The following PRX variants were observed in gnomAD, a reference collection of about 807,000 sequenced individuals.
PRX encodes the protein periaxin.
In PRX, 24 loss-of-function variants were observed where a neutral mutation model predicts 29.6. The ratio of observed to expected loss-of-function variants is 0.81; its 90% CI spans 0.59 to 1.14. The LOEUF (loss-of-function observed/expected upper bound fraction) is 1.14. Ranked by LOEUF, PRX falls within the 50% of genes most tolerant of loss-of-function variation. The pLI is 0.00. For missense variants in PRX, 1,838 were observed against 1,926.4 expected, an observed-to-expected ratio of 0.95 and a Z score of 0.86; for synonymous variants, 772 against 831.7, an observed-to-expected ratio of 0.93 and a Z score of 1.24.
upstream of PRX, among the ~76,000 whole-genome samples, chr19:40,414,449 A>G (rs2079572288): frequency 6.6e-6 from 1 of 152,166 alleles, no homozygotes; most frequent in Non-Finnish European, 1.5e-5. Context: ...CTATGTGGCC[A>G]GGAGGTGGTG....
chr19:40,402,831 G>C (rs371864274), intron 5 of PRX, among the ~76,000 whole-genome samples: 2 of 150,366 alleles, frequency 1.3e-5, no homozygotes, highest in Admixed American at 1.3e-4. Context: ...TGCAGGGACT[G>C]TTGTTCAGTT....
chr19:40,409,536 G>C (rs189249708), intron 1 of PRX, among the ~76,000 whole-genome samples: 1 of 150,960 alleles, frequency 6.6e-6, no homozygotes, highest in Non-Finnish European at 1.5e-5. Flanking sequence ...GAAGTGGTGC[G>C]AATTCGGCTT....
chr19:40,406,243 G>A (rs1405892744), intron 4 of PRX, among the ~76,000 whole-genome samples: 4 of 137,786 alleles, frequency 2.9e-5, no homozygotes, highest in Admixed American at 2.2e-4. Context: ...CCAAGAATCC[G>A]TCTCAAAAAA....
At position 40,395,651 on chromosome 19, in the gene PRX, C is replaced by T. The variant is rs767898499; in HGVS notation, c.2701G>A (p.Val901Ile). ...GGCAGCTGTGGGGTGACAATTTCAACAGAGGGCACTCGGAAGCCCACTTCC... is the reference window on the plus strand; with the variant it reads ...GGCAGCTGTGGGGTGACAATTTCAATAGAGGGCACTCGGAAGCCCACTTCC... Reference protein sequence around the residue: ...VREVGFRVPSVEIVTPQLPAV... With the variant: ...VREVGFRVPSIEIVTPQLPAV... The change falls in exon 7 of 7, where the codon GTT becomes ATT. Residue 901 changes from valine to isoleucine, a missense_variant. Physicochemically the swap from Val to Ile is conservative, Grantham distance 29. This residue lies in a region of PRX where 1,143 missense variants were observed against 1,193.0 expected (regional missense o/e 0.96). Coordinates refer to ENST00000324001, the MANE Select transcript of PRX (RefSeq NM_181882.3). The T allele has an allele frequency of 2.3e-5, 37 of 1,614,220 alleles. No individual in the cohort carries two copies. The South Asian group carries it at 3.6e-4, about 16-fold the overall frequency.
Position 40,398,765 on chromosome 19 carries a change from T to C in PRX, c.236A>G (p.Asp79Gly). The C allele has an allele frequency of 5.0e-6, 8 of 1,614,004 alleles. No homozygotes were observed. The highest frequency in any genetic ancestry group is 6.8e-6 in the Non-Finnish European group (8 of 1,179,960). Residue 79 changes from aspartate to glycine, a missense_variant, in exon 6 of 7, where the codon GAC becomes GGC. This residue lies in a region of PRX where 666 missense variants were observed against 665.0 expected (regional missense o/e 1.00). Transcript: ENST00000324001. The surrounding 1 kb of genome is among the most constrained non-coding windows in gnomAD (Gnocchi z 6.3). ...GGCGCATTGCAGCAGGCGTAGTGCGTCCTCGTACTTGAAGTTCTCGAAGAA... is the reference window on the plus strand; with the variant it reads ...GGCGCATTGCAGCAGGCGTAGTGCGCCCTCGTACTTGAAGTTCTCGAAGAA... Reference protein sequence around the residue: ...RVFFENFKYEDALRLLQCAEP... With the variant: ...RVFFENFKYEGALRLLQCAEP...
At chr19:40,414,607 G>T (rs1192457653), upstream of PRX, among the ~76,000 whole-genome samples, 2 of 152,044 alleles carry the variant, frequency 1.3e-5, no homozygotes, top group Non-Finnish European at 2.9e-5. Context: ...GTCCAGAGTT[G>T]AACCCAGACC....
chr19:40,409,477 A>ATTATTATTATT (rs1033681042), intron 1 of PRX, among the ~76,000 whole-genome samples: 4 of 148,424 alleles, frequency 2.7e-5, no homozygotes, highest in African/African-American at 9.9e-5. Flanking sequence ...TATTATTATT[A>ATTATTATTATT]TTATTATTAT....
Position 40,403,855 on chromosome 19 carries a change from C to G in PRX, c.35G>C (p.Arg12Thr), listed in dbSNP as rs756238091. The G allele has an allele frequency of 1.9e-6, 3 of 1,608,536 alleles. No homozygotes were observed. The highest frequency in any genetic ancestry group is 2.2e-5 in the East Asian group (1 of 44,756). Residue 12 changes from arginine to threonine, a missense_variant, in exon 5 of 7, where the codon AGG becomes ACG. Coordinates refer to ENST00000324001, the MANE Select transcript of PRX (RefSeq NM_181882.3). The part of the protein sequence containing the change: ...EARSRSAEEL[R>T]RAELVEIIVE... ...GATAATTTCCACCAACTCCGCCCGCCTCAGCTCCTGCAGAGGGCGGCGAGG... is the reference window on the plus strand; with the variant it reads ...GATAATTTCCACCAACTCCGCCCGCGTCAGCTCCTGCAGAGGGCGGCGAGG...
chr19:40,407,735 A>G lies in PRX; in HGVS notation c.27+171T>C, dbSNP rs1219631595. ...AGATGCTGCACTAAGGACATTACATATGTTAATTTTCTTCTCCTCACAGTG... is the reference window on the plus strand; with the variant it reads ...AGATGCTGCACTAAGGACATTACATGTGTTAATTTTCTTCTCCTCACAGTG... On this transcript the variant is annotated intron_variant, in intron 4 of 6. Coordinates refer to ENST00000324001, the MANE Select transcript of PRX (RefSeq NM_181882.3). The G allele has an allele frequency of 5.7e-6, 5 of 870,870 alleles. No individual in the cohort carries two copies. In the African/African-American group the frequency reaches 6.6e-5, roughly 12 times the overall value. 53.9% of individuals were successfully genotyped at this position (870,870 alleles called of 1,614,324 possible). A position where few individuals can be genotyped will look rare whatever the true frequency, so the allele number is the denominator to read the frequency against.
Position 40,398,708 on chromosome 19 carries a change from C to A in PRX, c.293G>T (p.Arg98Leu). The A allele has an allele frequency of 6.2e-7, 1 of 1,614,074 alleles. No individual in the cohort carries two copies. The highest frequency in any genetic ancestry group is 8.5e-7 in the Non-Finnish European group (1 of 1,179,964). The change falls in exon 6 of 7, where the codon CGC (arginine) becomes CTC (leucine). Residue 98 changes from arginine (R) to leucine (L), a missense_variant. By Grantham distance (102) the Arg-to-Leu change is moderately radical (BLOSUM62 -2). Transcript: ENST00000324001. This position sits in a 1 kb window ranked among gnomAD's most constrained non-coding sequence, Gnocchi z 6.3. ...EPYKVSFCLK[R>L]TVPTGDLALR... ...AGCCAGGTCCCCGGTGGGCACAGTGCGCTTCAGGCAGAAGGAGACTTTGTA... is the reference window on the plus strand; with the variant it reads ...AGCCAGGTCCCCGGTGGGCACAGTGAGCTTCAGGCAGAAGGAGACTTTGTA...
At chr19:40,400,372 C>A (rs1324525315) in intron 5 of PRX, among the ~76,000 whole-genome samples, 1 of 146,514 alleles carries the variant, frequency 6.8e-6, no homozygotes, top group Non-Finnish European at 1.5e-5. Context: ...GCAGGTGGAT[C>A]ACCTGAGGTC....
chr19:40,396,339 A>C lies in PRX; in HGVS notation c.2013T>G (p.Pro671=). ...KVPEMKLPKM[P]EMAVPEVRLP... Reference sequence around the variant, plus strand: ...GTCGAACCTCTGGCACAGCCATCTCAGGCATTTTAGGGAGTTTCATCTCTG... The same window carrying C: ...GTCGAACCTCTGGCACAGCCATCTCCGGCATTTTAGGGAGTTTCATCTCTG... The change falls in exon 7 of 7, where the codon CCT becomes CCG. Residue 671 remains proline, a synonymous_variant. Coordinates refer to ENST00000324001, the MANE Select transcript of PRX (RefSeq NM_181882.3). 6.3e-7 allele frequency: 1 copy of C among 1,584,486 alleles called. No individual in the cohort carries two copies. The highest frequency in any genetic ancestry group is 8.6e-7 in the Non-Finnish European group (1 of 1,169,322).
Position 40,394,057 on chromosome 19 carries a change from C to A in PRX, c.4295G>T (p.Gly1432Val), listed in dbSNP as rs1003836485. The A allele has an allele frequency of 6.2e-7, 1 of 1,612,422 alleles. No homozygotes were observed. Among genetic ancestry groups the A allele is most frequent in the Non-Finnish European group, 8.5e-7 (1 of 1,178,758 alleles). ...RSGSGDQEEGGLRVRLPSVGF... is the reference protein window; with the variant it reads ...RSGSGDQEEGVLRVRLPSVGF... The stretch of plus-strand genomic sequence containing the variant: ...CACGCTGGGCAGCCGCACCCGCAAT[C>A]CACCCTCTTCCTGGTCCCCACTCCC... Residue 1432 changes from glycine (G) to valine (V), a missense_variant, in exon 7 of 7, where the codon GGA (glycine) becomes GTA (valine). Gly to Val is a moderately radical substitution (Grantham distance 109). Transcript: ENST00000324001. This position sits in a 1 kb window ranked among gnomAD's most constrained non-coding sequence, Gnocchi z 5.8.
chr19:40,398,555 G>A lies in PRX; in HGVS notation c.381+65C>T. 2 of 1,600,496 alleles carry A rather than the reference G, an allele frequency of 1.2e-6. No individual in the cohort carries two copies. Among genetic ancestry groups the A allele is most frequent in the African/African-American group, 1.3e-5 (1 of 74,826 alleles). ...CTGGCCCACGATGGCGGGGAATGGG[G>A]CTCACGGCGCAGAGACCGGATCGCT... On this transcript the variant is annotated intron_variant, in intron 6 of 6. Coordinates refer to ENST00000324001, the MANE Select transcript of PRX (RefSeq NM_181882.3). The surrounding 1 kb of genome is among the most constrained non-coding windows in gnomAD (Gnocchi z 6.3).
At chr19:40,406,607 T>C (rs766745616) in intron 4 of PRX, among the ~76,000 whole-genome samples, 1 of 151,958 alleles carries the variant, frequency 6.6e-6, no homozygotes. Flanking sequence ...CCTGTAACAG[T>C]AGACCCGCTC....
intron 5 of PRX, 42 bp downstream of exon 5, chr19:40,403,664 C>T (rs778436254): frequency 2.0e-6 from 3 of 1,520,686 alleles, no homozygotes; most frequent in South Asian, 1.2e-5. Flanking sequence ...CCTAACCCCG[C>T]CCCCGCAGTT....
intron 5 of PRX, among the ~76,000 whole-genome samples, chr19:40,399,735 A>C (rs1462375586): frequency 6.6e-6 from 1 of 152,062 alleles, no homozygotes; most frequent in African/African-American, 2.4e-5. Flanking sequence ...TTTTCTAAAC[A>C]GTCTCACTAT....
intron 5 of PRX, among the ~76,000 whole-genome samples, chr19:40,399,738 C>T (rs2079474512): frequency 1.3e-5 from 2 of 152,166 alleles, no homozygotes; most frequent in Non-Finnish European, 2.9e-5. Context: ...TCTAAACAGT[C>T]TCACTATGTT....
In PRX at chr19:40,393,785, A is replaced by G. The variant is rs1488418861; in HGVS notation, c.*181T>C. 6.9e-6 allele frequency: 6 copies of G among 869,194 alleles called. No homozygotes were observed. The highest frequency in any genetic ancestry group is 1.1e-5 in the Non-Finnish European group (6 of 569,410). The allele number at this position is 869,194 out of a possible 1,614,324, so 53.8% of individuals were successfully genotyped here. On this transcript the variant is annotated 3_prime_UTR_variant, in exon 7 of 7. Coordinates refer to ENST00000324001, the MANE Select transcript of PRX (RefSeq NM_181882.3). ...TACATGGCTACTTCCAGATTATTTTATTCACATGGCTTGGTGGGGTACAGG... is the reference window on the plus strand; with the variant it reads ...TACATGGCTACTTCCAGATTATTTTGTTCACATGGCTTGGTGGGGTACAGG...
Sources: gnomAD v4.1 joint callset for allele counts (sites outside exome capture counted in the v4.1 genomes callset) on GRCh38, gnomAD v4.1.1 for gene constraint, gnomAD v4.1.1 regional missense constraint, Gnocchi (gnomAD v3.1) non-coding constraint, MANE v1.5 for transcripts, NCBI Gene and HGNC (gene_info 2026-07-23, HGNC 2026-07-21) for gene names.